Variants in LSP1 observed in about 807,000 individuals in gnomAD.
The protein encoded by LSP1 is lymphocyte specific protein 1.
LSP1 carries 32 observed loss-of-function variants against 49.3 expected under a neutral mutation model. The ratio of observed to expected loss-of-function variants is 0.65; its 90% CI spans 0.49 to 0.87. LSP1 has a LOEUF of 0.87. Ranked by LOEUF, LSP1 falls within the 40% of genes least tolerant of loss-of-function variation. The pLI, the probability that LSP1 is intolerant of heterozygous loss-of-function variation, is 0.00. For missense variants in LSP1, 428 were observed against 442.6 expected (o/e 0.97, Z 0.30); for synonymous variants, 179 against 178.8 (o/e 1.00, Z -0.01).
intron 1 of LSP1, chr11:1,876,433 C>G: frequency 1.0e-6 from 1 of 982,958 alleles, no homozygotes; most frequent in Non-Finnish European, 1.2e-6. Context: ...AGGAGAAGCT[C>G]CCCCTCCCCT....
chr11:1,890,988 G>A (rs569554202), intron 10 of LSP1: 10 of 177,598 alleles, frequency 5.6e-5, no homozygotes, highest in Admixed American at 1.1e-4. Flanking sequence ...CATGCCCCTG[G>A]CCAGCTGCTG....
Position 1,886,757 on chromosome 11 carries a change from C to T in LSP1, c.743C>T (p.Ala248Val), listed in dbSNP as rs573166009. 4.3e-6 allele frequency: 7 copies of T among 1,610,804 alleles called. No individual in the cohort carries two copies. The Admixed American group carries it at 5.0e-5, about 12-fold the overall frequency. The change falls in exon 8 of 11, where the codon GCC (alanine) becomes GTC (valine). Residue 248 changes from alanine (A) to valine (V), a missense_variant. Physicochemically the swap from Ala to Val is moderately conservative, Grantham distance 64. Coordinates refer to ENST00000311604, the MANE Select transcript of LSP1 (RefSeq NM_002339.3). ...IETAGRTPKL[A>V]RQASIELPSM... ...ACCGCTGGCCGGACCCCCAAGCTAG[C>T]CCGCCAGGCCTCCATAGAGCTGCCC...
intron 1 of LSP1, among the ~76,000 whole-genome samples, chr11:1,858,427 G>A (rs902114689): frequency 1.1e-4 from 16 of 152,216 alleles, no homozygotes; most frequent in Non-Finnish European, 1.8e-4. Flanking sequence ...GGGACCGGGC[G>A]CTGCAGGACC....
chr11:1,886,000 C>A (rs1376023067), intron 7 of LSP1, among the ~76,000 whole-genome samples: 3 of 152,082 alleles, frequency 2.0e-5, no homozygotes, highest in South Asian at 4.2e-4. Flanking sequence ...CCAATTAATG[C>A]CTCTCCATCC....
At chr11:1,880,615 C>T (rs1429241181) in intron 2 of LSP1, 8 of 197,430 alleles carry the variant, frequency 4.1e-5, no homozygotes, top group Non-Finnish European at 6.1e-5. Flanking sequence ...AGGAGGCCTC[C>T]GCGGCTGGGC....
At chr11:1,875,976 C>A (rs932543269) in intron 1 of LSP1, among the ~76,000 whole-genome samples, 4 of 152,236 alleles carry the variant, frequency 2.6e-5, no homozygotes, top group Non-Finnish European at 5.9e-5. Flanking sequence ...AGGACCCCTG[C>A]GTGTGGCACA....
At chr11:1,874,852 C>T (rs778510352) in intron 1 of LSP1, among the ~76,000 whole-genome samples, 2 of 152,098 alleles carry the variant, frequency 1.3e-5, no homozygotes, top group Non-Finnish European at 2.9e-5. Flanking sequence ...CAAGGAGAGG[C>T]CCGGCAGGGC....
chr11:1,860,324 G>T (rs1480867972), intron 1 of LSP1, among the ~76,000 whole-genome samples: 2 of 151,146 alleles, frequency 1.3e-5, no homozygotes, highest in African/African-American at 4.9e-5. Flanking sequence ...TGGATGGAGG[G>T]ATGAGTGGAT....
chr11:1,872,585 G>A (rs1848086993), intron 1 of LSP1, among the ~76,000 whole-genome samples: 1 of 140,662 alleles, frequency 7.1e-6, no homozygotes, highest in Non-Finnish European at 1.6e-5. Flanking sequence ...TTGGGAGGGG[G>A]TGTGTGTGGC....
rs1445057206 is a variant in LSP1, at chr11:1,878,904, A to T, written c.54-1183A>T. The stretch of plus-strand genomic sequence containing the variant: ...GTCTGCAGGACCTGGACCATCTGAG[A>T]GCTGCTGGGCCGGGGCTCTGATGCC... On this transcript the variant is annotated intron_variant, in intron 1 of 10. Coordinates refer to ENST00000311604, the MANE Select transcript of LSP1 (RefSeq NM_002339.3). 9.2e-5 allele frequency among the ~76,000 whole-genome samples: 14 copies of T among 151,962 alleles called. No homozygotes were observed. In the East Asian group the frequency reaches 2.7e-3, roughly 29 times the overall value.
intron 1 of LSP1, among the ~76,000 whole-genome samples, chr11:1,854,197 G>A (rs1847430894): frequency 6.6e-6 from 1 of 152,204 alleles, no homozygotes; most frequent in Non-Finnish European, 1.5e-5. Context: ...GAGCAGGTCA[G>A]CGGGGGCTGT....
intron 1 of LSP1, chr11:1,871,117 C>T (rs1847983087): frequency 4.1e-6 from 4 of 985,512 alleles, no homozygotes; most frequent in South Asian, 9.4e-5. Flanking sequence ...TCCCGCAGGT[C>T]GCCTCGCTCG....
rs1847922472 is a variant in LSP1 at position 1,869,818 on chromosome 11, C to T, written c.54-10269C>T. On this transcript the variant is annotated intron_variant, in intron 1 of 10. Transcript: ENST00000311604. Reference sequence around the variant, plus strand: ...GGGGGCGTGGGGGGGGCTGGTTTTCCCCGAGACTGAGAAATGAATTTCTGC... The same window carrying T: ...GGGGGCGTGGGGGGGGCTGGTTTTCTCCGAGACTGAGAAATGAATTTCTGC... The T allele has an allele frequency of 1.4e-4, 67 of 468,194 alleles. 1 individual carries two copies. The highest frequency in any genetic ancestry group is 1.0e-3 in the South Asian group (66 of 64,472). The allele number at this position is 468,194 out of a possible 1,614,324, so 29.0% of individuals were successfully genotyped here.
At chr11:1,870,336 C>A in intron 1 of LSP1, 3 of 1,287,722 alleles carry the variant, frequency 2.3e-6, no homozygotes, top group Non-Finnish European at 3.1e-6. Flanking sequence ...CCGCAGCACC[C>A]GGGGACATAC....
At position 1,877,259 on chromosome 11, in the gene LSP1, G is replaced by C. The variant is rs1848351285; in HGVS notation, c.54-2828G>C. 2.0e-5 allele frequency among the ~76,000 whole-genome samples: 3 copies of C among 152,176 alleles called. No homozygotes were observed. The South Asian group carries it at 6.2e-4, about 31-fold the overall frequency. On this transcript the variant is annotated intron_variant, in intron 1 of 10. Transcript: ENST00000311604. Reference sequence around the variant, plus strand: ...TGGAATAGTGAGGGGGTGAGGTCATGGGGAGGGGGCCCGCATGACTCATAT... The same window carrying C: ...TGGAATAGTGAGGGGGTGAGGTCATCGGGAGGGGGCCCGCATGACTCATAT...
At chr11:1,886,230 G>T (rs1243138045) in intron 7 of LSP1, among the ~76,000 whole-genome samples, 1 of 149,792 alleles carries the variant, frequency 6.7e-6, no homozygotes, top group South Asian at 2.1e-4. Context: ...AACCAATACG[G>T]CTCTATCCAA....
At chr11:1,876,293 C>A (rs997540832) in intron 1 of LSP1, among the ~76,000 whole-genome samples, 6 of 152,196 alleles carry the variant, frequency 3.9e-5, no homozygotes, top group Non-Finnish European at 8.8e-5. Flanking sequence ...GGAGGCTGGG[C>A]TCATGAGGGG....
chr11:1,856,899 G>A (rs1057385547), intron 1 of LSP1, among the ~76,000 whole-genome samples: 9 of 152,230 alleles, frequency 5.9e-5, no homozygotes, highest in Non-Finnish European at 1.0e-4. Flanking sequence ...GGGCAGAGCT[G>A]GGGACAGTTG....
chr11:1,853,213 G>A lies in LSP1; in HGVS notation c.53+16G>A, dbSNP rs745702506. The A allele has an allele frequency of 4.4e-6, 7 of 1,605,432 alleles. No individual in the cohort carries two copies. The highest frequency in any genetic ancestry group is 2.7e-5 in the African/African-American group (2 of 74,908). ...AGTTGCTGGGGTAAGGGTCTGCGGC[G>A]ACGCCCGGCGCCCTGTGCCGTGTCC... On this transcript the variant is annotated intron_variant, in intron 1 of 10. Transcript: ENST00000311604.
Sources: allele counts gnomAD v4.1 joint callset (sites outside exome capture counted in the v4.1 genomes callset), GRCh38; gene constraint gnomAD v4.1.1; transcripts MANE v1.5; gene names NCBI Gene and HGNC (gene_info 2026-07-23, HGNC 2026-07-21).